The following TRDN variants were observed in gnomAD, a reference collection of about 807,000 sequenced individuals.
TRDN encodes triadin.
In TRDN, 161 loss-of-function variants were observed where a neutral mutation model predicts 149.7. That is an observed-to-expected ratio of 1.08 (90% CI 0.95 to 1.23). The LOEUF is 1.23. Among genes scored for constraint, TRDN ranks in the 50% most tolerant of loss-of-function variants. TRDN has a pLI of 0.00. For synonymous variants in TRDN, 294 were observed against 250.5 expected (o/e 1.17, Z -1.64); for missense variants, 896 against 823.5 (o/e 1.09, Z -1.08).
At chr6:123,262,570 G>T (rs1183602340) in intron 33 of TRDN, among the ~76,000 whole-genome samples, 1 of 152,052 alleles carries the variant, frequency 6.6e-6, no homozygotes, top group Admixed American at 6.6e-5. Flanking sequence ...TGTAATACAG[G>T]CATACTCATT....
chr6:123,495,298 A>T (rs745494238), intron 9 of TRDN, among the ~76,000 whole-genome samples: 51 of 151,606 alleles, frequency 3.4e-4, no homozygotes, highest in Non-Finnish European at 1.2e-4. Context: ...TCGGGCAGAT[A>T]ACCTAAGGTC....
chr6:123,550,433 A>T lies in TRDN; in HGVS notation c.233-1821T>A, dbSNP rs564794930. On this transcript the variant is annotated intron_variant, in intron 2 of 40. Coordinates refer to ENST00000334268, the MANE Select transcript of TRDN (RefSeq NM_006073.4). ...TAGGTCAAGAAAGTTGAAGACTGAGAATGGACCTTTGGATTGGATGACGAG... is the reference window on the plus strand; with the variant it reads ...TAGGTCAAGAAAGTTGAAGACTGAGTATGGACCTTTGGATTGGATGACGAG... 3.9e-5 allele frequency among the ~76,000 whole-genome samples: 6 copies of T among 152,194 alleles called. No individual in the cohort carries two copies. The South Asian group carries it at 1.2e-3, about 32-fold the overall frequency.
At chr6:123,622,777 A>G (rs1417171365) in intron 1 of TRDN, among the ~76,000 whole-genome samples, 1 of 152,038 alleles carries the variant, frequency 6.6e-6, no homozygotes, top group African/African-American at 2.4e-5. Context: ...ATTTTAAGCA[A>G]GTTTTTATAT....
intron 22 of TRDN, among the ~76,000 whole-genome samples, chr6:123,332,647 C>T (rs1348097250): frequency 1.3e-5 from 2 of 152,038 alleles, no homozygotes; most frequent in Non-Finnish European, 2.9e-5. Flanking sequence ...ACATTTTATG[C>T]TTCCTCTGCA....
chr6:123,220,641 G>A (rs184343572), intron 40 of TRDN, among the ~76,000 whole-genome samples: 4 of 151,742 alleles, frequency 2.6e-5, no homozygotes, highest in Non-Finnish European at 5.9e-5. Context: ...TAGGCATTCA[G>A]TATCTGTCTA....
At chr6:123,579,943 T>A (rs1783040891) in intron 1 of TRDN, among the ~76,000 whole-genome samples, 1 of 152,212 alleles carries the variant, frequency 6.6e-6, no homozygotes, top group Non-Finnish European at 1.5e-5. Flanking sequence ...CCACCATGAT[T>A]GTAACTTTCC....
chr6:123,303,303 T>C (rs575724431), intron 24 of TRDN, among the ~76,000 whole-genome samples: 1 of 119,880 alleles, frequency 8.3e-6, no homozygotes, highest in Admixed American at 9.7e-5. Context: ...TAACCAATGA[T>C]TTCCTTTCCA....
chr6:123,268,453 A>C, intron 31 of TRDN, among the ~76,000 whole-genome samples: 2 of 152,118 alleles, frequency 1.3e-5, no homozygotes, highest in Non-Finnish European at 2.9e-5. Flanking sequence ...GTGGAATTTA[A>C]AGTCAACCAT....
At chr6:123,474,341 AAAG>A (rs542528472) in intron 9 of TRDN, among the ~76,000 whole-genome samples, 104 of 152,316 alleles carry the variant, frequency 6.8e-4, no homozygotes, top group Middle Eastern at 3.4e-3. Flanking sequence ...CAAAAGAGAC[AAAG>A]AAGGCCATTA....
chr6:123,498,680 G>T, intron 8 of TRDN: 2 of 460,890 alleles, frequency 4.3e-6, no homozygotes, highest in South Asian at 1.6e-5. Flanking sequence ...TAAGGTAGAA[G>T]GTATTTTCTC....
At chr6:123,259,709 ACTTT>A in intron 34 of TRDN, 47 bp from the exon 35 acceptor site, 1 of 1,337,230 alleles carries the variant, frequency 7.5e-7, no homozygotes, top group East Asian at 2.6e-5. Flanking sequence ...AAAAAACATG[ACTTT>A]CTTACTCATT....
chr6:123,293,097 A>G (rs929053747), intron 24 of TRDN, among the ~76,000 whole-genome samples: 2 of 152,088 alleles, frequency 1.3e-5, no homozygotes, highest in African/African-American at 4.8e-5. Flanking sequence ...AATCATCTTC[A>G]CAGTTGCTGG....
chr6:123,594,356 T>C (rs1367433854), intron 1 of TRDN, among the ~76,000 whole-genome samples: 2 of 152,056 alleles, frequency 1.3e-5, no homozygotes, highest in Non-Finnish European at 2.9e-5. Flanking sequence ...TCAATATTTG[T>C]GGATGCCTAA....
At chr6:123,280,365 A>G (rs1777537197) in intron 24 of TRDN, among the ~76,000 whole-genome samples, 1 of 152,134 alleles carries the variant, frequency 6.6e-6, no homozygotes, top group African/African-American at 2.4e-5. Flanking sequence ...AATAGCGTCA[A>G]TCTTCCAACT....
intron 19 of TRDN, among the ~76,000 whole-genome samples, chr6:123,369,528 C>T (rs1562281572): frequency 1.3e-5 from 2 of 152,144 alleles, no homozygotes; most frequent in Non-Finnish European, 2.9e-5. Flanking sequence ...TATGAGATCA[C>T]TTAGCACTGG....
chr6:123,626,438 G>T (rs1349445133), intron 1 of TRDN, among the ~76,000 whole-genome samples: 1 of 152,088 alleles, frequency 6.6e-6, no homozygotes, highest in African/African-American at 2.4e-5. Context: ...CCAAGACTGT[G>T]CCAGTGCATG....
intron 21 of TRDN, chr6:123,352,229 A>C: frequency 1.0e-6 from 1 of 985,066 alleles, no homozygotes; most frequent in Non-Finnish European, 1.2e-6. Flanking sequence ...ATCAAATAGG[A>C]ATATGTCTAC....
intron 10 of TRDN, among the ~76,000 whole-genome samples, chr6:123,453,959 A>G (rs994262806): frequency 3.9e-5 from 6 of 151,978 alleles, no homozygotes; most frequent in Non-Finnish European, 8.8e-5. Flanking sequence ...CATAAAAAGG[A>G]ATGAATTAAC....
chr6:123,251,568 T>C (rs906981855), intron 38 of TRDN, among the ~76,000 whole-genome samples: 1 of 151,898 alleles, frequency 6.6e-6, no homozygotes, highest in African/African-American at 2.4e-5. Context: ...AAAATTAAAA[T>C]AACATATTAA....
Sources: gnomAD v4.1 joint callset for allele counts (sites outside exome capture counted in the v4.1 genomes callset) on GRCh38, gnomAD v4.1.1 for gene constraint, MANE v1.5 for transcripts, NCBI Gene and HGNC (gene_info 2026-07-23, HGNC 2026-07-21) for gene names.